The following GRB7 variants were observed in gnomAD, a reference collection of about 807,000 sequenced individuals.
The protein encoded by GRB7 is growth factor receptor-bound protein 7.
A neutral mutation model predicts 64.1 loss-of-function variants in GRB7; 47 were observed. That is an observed-to-expected ratio of 0.73 (90% CI 0.58 to 0.94). GRB7 has a LOEUF of 0.94. Ranked by LOEUF, GRB7 falls within the 40% of genes least tolerant of loss-of-function variation. The pLI, the probability that GRB7 is intolerant of heterozygous loss-of-function variation, is 0.00. For missense variants in GRB7, 634 were observed against 718.4 expected (o/e 0.88, Z 1.34); for synonymous variants, 277 against 279.9 (o/e 0.99, Z 0.10).
rs920842283 is a variant in GRB7 at position 39,742,462 on chromosome 17, A to G, written c.155+6A>G. 3.7e-6 allele frequency: 6 copies of G among 1,613,510 alleles called. No individual in the cohort carries two copies. In the Admixed American group the frequency reaches 5.0e-5, roughly 13 times the overall value. On this transcript the variant is annotated splice_donor_region_variant and intron_variant, in intron 2 of 14. Coordinates refer to ENST00000309156, the MANE Select transcript of GRB7 (RefSeq NM_005310.5). ...CTCATCCCAACCACCGGCAGGTACG[A>G]TGGGGCGTGGGGCTTGGGGGAGGTC...
chr17:39,745,941 C>G lies in GRB7; in HGVS notation c.1299C>G (p.His433Gln). 1 of 1,614,088 alleles carries G rather than the reference C, an allele frequency of 6.2e-7. No homozygotes were observed. Among genetic ancestry groups the G allele is most frequent in the Non-Finnish European group, 8.5e-7 (1 of 1,179,932 alleles). Residue 433 changes from histidine (H) to glutamine (Q), a missense_variant, in exon 13 of 15, where the codon CAC becomes CAG. By Grantham distance (24) the His-to-Gln change is conservative (BLOSUM62 0). Around this residue, in one of 2 missense-constraint regions of GRB7, gnomAD observed 467 missense variants for 576.6 expected, o/e 0.81. Transcript: ENST00000309156. ...TCCACCGCACCCAACTCTGGTTCCA[C>G]GGGCGCATTTCCCGTGAGGAGAGCC... Reference protein sequence around the residue: ...AAIHRTQLWFHGRISREESQR... With the variant: ...AAIHRTQLWFQGRISREESQR...
intron 7 of GRB7, 144 bp downstream of exon 7, chr17:39,744,351 C>T: frequency 9.7e-7 from 1 of 1,026,350 alleles, no homozygotes; most frequent in East Asian, 2.4e-5. Flanking sequence ...TCCCTACATC[C>T]TTGCCTAGCT....
rs2060036411 is a variant in GRB7 at position 39,745,447 on chromosome 17, T to C, written c.1118T>C (p.Val373Ala). 1 of 1,613,904 alleles carries C rather than the reference T, an allele frequency of 6.2e-7. No individual in the cohort carries two copies. Among genetic ancestry groups the C allele is most frequent in the African/African-American group, 1.3e-5 (1 of 74,936 alleles). The change falls in exon 11 of 15, where the codon GTG (valine) becomes GCG (alanine). Residue 373 changes from valine (V) to alanine (A), a missense_variant. Val to Ala is a moderately conservative substitution (Grantham distance 64). This residue lies in a region of GRB7 where 467 missense variants were observed against 576.6 expected (regional missense o/e 0.81). Coordinates refer to ENST00000309156, the MANE Select transcript of GRB7 (RefSeq NM_005310.5). ...PLRSASDNTL[V>A]AMDFSGHAGR... is the part of the protein sequence containing the mutation. ...AGAAGTGCCTCAGATAATACCCTGG[T>C]GGCCATGGACTTCTCTGGCCATGCT...
intron 7 of GRB7, 148 bp downstream of exon 7, chr17:39,744,355 C>A: frequency 1.0e-6 from 1 of 984,584 alleles, no homozygotes; most frequent in Non-Finnish European, 1.5e-6. Flanking sequence ...TACATCCTTG[C>A]CTAGCTCACC....
chr17:39,742,054 C>T (rs1473430335), intron 1 of GRB7, among the ~76,000 whole-genome samples, 198 bp from the exon 2 acceptor site: 1 of 151,594 alleles, frequency 6.6e-6, no homozygotes, highest in South Asian at 2.1e-4. Flanking sequence ...ACTCCCGACT[C>T]ACCTGTGACT....
intron 14 of GRB7, 135 bp from the exon 15 acceptor site, chr17:39,746,616 C>CAAA: frequency 4.1e-6 from 4 of 983,888 alleles, no homozygotes; most frequent in Non-Finnish European, 5.6e-6. Context: ...AAAACTGTCT[C>CAAA]AAAAAAAAAA....
Position 39,742,970 on chromosome 17 carries a change from GT to G in GRB7, c.380del (p.Val127GlyfsTer12). ...GGCAGCAGGTGCCACAGCTCGCCAC[GT>G]GTGTGAAATGCTGGTGCAGCGAGCT... ...EVAAGATARHVCEMLVQRAHA... is the reference protein window; with the variant it reads ...EVAAGATARHXCEMLVQRAHA... On this transcript the variant is annotated frameshift_variant, in exon 4 of 15. Coordinates refer to ENST00000309156, the MANE Select transcript of GRB7 (RefSeq NM_005310.5). LOFTEE classifies it high-confidence loss of function. 6.2e-7 allele frequency: 1 copy of G among 1,613,422 alleles called. No individual in the cohort carries two copies. The highest frequency in any genetic ancestry group is 8.5e-7 in the Non-Finnish European group (1 of 1,179,664).
chr17:39,740,170 G>A (rs962709058), intron 1 of GRB7: 1 of 985,514 alleles, frequency 1.0e-6, no homozygotes, highest in African/African-American at 1.7e-5. Flanking sequence ...TGGAGACCGG[G>A]GCTGTTTGGA....
intron 1 of GRB7, among the ~76,000 whole-genome samples, chr17:39,741,974 C>CA (rs34685689): frequency 0.88 from 95,018 of 107,928 alleles, 42,003 homozygotes; most frequent in Middle Eastern, 0.98. Flanking sequence ...GACGCCGCTG[C>CA]AAAAAAAAAA....
intron 9 of GRB7, 35 bp from the exon 10 acceptor site, chr17:39,745,208 T>A (rs750876278): frequency 1.9e-6 from 3 of 1,544,556 alleles, no homozygotes; most frequent in South Asian, 2.5e-5. Flanking sequence ...CCAGGACCTC[T>A]CGACCTCAAG....
At position 39,745,316 on chromosome 17, in the gene GRB7, C is replaced by T. The variant is rs138488202; in HGVS notation, c.1085C>T (p.Pro362Leu). 7.2e-4 allele frequency: 1,163 copies of T among 1,610,736 alleles called. 7 individuals carry two copies. In the African/African-American group the frequency reaches 0.013, roughly 18 times the overall value. The change falls in exon 10 of 15, where the codon CCA becomes CTA. Residue 362 changes from proline to leucine, a missense_variant. This residue lies in a region of GRB7 where 467 missense variants were observed against 576.6 expected (regional missense o/e 0.81). Transcript: ENST00000309156. Reference protein sequence around the residue: ...RHLHPSCLGSPPLRSASDNTL... With the variant: ...RHLHPSCLGSLPLRSASDNTL... ...CTGCATCCATCTTGTTTGGGCTCCC[C>T]ACCCTTGGTGAGTGTGCCCAAGGGG... is the stretch of plus-strand genomic sequence containing the variant.
In GRB7 at chr17:39,744,125, G is replaced by T. The variant is rs145986585; in HGVS notation, c.719G>T (p.Gly240Val). 2.4e-3 allele frequency: 3,832 copies of T among 1,614,194 alleles called. 12 individuals are homozygous for T. Among genetic ancestry groups the T allele is most frequent in the Middle Eastern group, 7.9e-3 (48 of 6,062 alleles). Residue 240 changes from glycine (G) to valine (V), a missense_variant, in exon 7 of 15, where the codon GGT becomes GTT. By Grantham distance (109) the Gly-to-Val change is moderately radical. This residue lies in a region of GRB7 where 467 missense variants were observed against 576.6 expected (regional missense o/e 0.81). Transcript: ENST00000309156. ...ATCCAGGGCTTTCTGCAGCTGCGGG[G>T]TTCAGGACGGAAGCTTTGGAAACGC... The part of the protein sequence containing the change: ...PEIQGFLQLR[G>V]SGRKLWKRFF...
chr17:39,743,700 C>G, intron 6 of GRB7: 1 of 593,488 alleles, frequency 1.7e-6, no homozygotes, highest in East Asian at 2.8e-5. Context: ...GTGGGCTGGG[C>G]ACGGTGGCTC....
chr17:39,743,504 G>A lies in GRB7; in HGVS notation c.663+34G>A, dbSNP rs1236886172. 68 of 1,549,318 alleles carry A rather than the reference G, an allele frequency of 4.4e-5. 1 individual carries two copies. In the Admixed American group the frequency reaches 1.1e-3, roughly 24 times the overall value. ...ACCCCCCATTTCACTGCAGATTCAC[G>A]ACTCCCCAGCATTGGCCAGTGCTTC... On this transcript the variant is annotated intron_variant, in intron 6 of 14. Coordinates refer to ENST00000309156, the MANE Select transcript of GRB7 (RefSeq NM_005310.5).
intron 1 of GRB7, chr17:39,738,992 T>A: frequency 7.0e-7 from 1 of 1,429,704 alleles, no homozygotes; most frequent in Non-Finnish European, 9.5e-7. Context: ...TATGAGGGGC[T>A]CTGCAGTGCG....
At position 39,744,169 on chromosome 17, in the gene GRB7, C is replaced by T. The variant is rs763520626; in HGVS notation, c.763C>T (p.Arg255Ter). The change falls in exon 7 of 15, where the codon CGA becomes TGA. Residue 255 changes from arginine to a stop codon, truncating the protein, a stop_gained. Coordinates refer to ENST00000309156, the MANE Select transcript of GRB7 (RefSeq NM_005310.5). LOFTEE classifies it high-confidence loss of function. ...GAAACGCTTTTTCTGCTTCTTGCGC[C>T]GATCTGGCCTCTATTACTCCACCAA... ...LWKRFFCFLRRSGLYYSTKGT... is the reference protein window; with the variant it reads ...LWKRFFCFLR 1.1e-5 allele frequency: 17 copies of T among 1,613,930 alleles called. No homozygotes were observed. Among genetic ancestry groups the T allele is most frequent in the East Asian group, 2.2e-5 (1 of 44,888 alleles).
At chr17:39,740,220 T>C (rs2059983608) in intron 1 of GRB7, 1 of 950,310 alleles carries the variant, frequency 1.1e-6, no homozygotes. Context: ...TGTTCTGGTA[T>C]TGAGGTGCTG....
Position 39,742,627 on chromosome 17 carries a change from G to A in GRB7, c.217G>A (p.Glu73Lys). Residue 73 changes from glutamate to lysine, a missense_variant, in exon 3 of 15, where the codon GAG (glutamate) becomes AAG (lysine). Physicochemically the swap from Glu to Lys is moderately conservative, Grantham distance 56. Coordinates refer to ENST00000309156, the MANE Select transcript of GRB7 (RefSeq NM_005310.5). ...CCCCTCTATCCCCAACCCCTTCCCTGAGCTCTGCAGTCCTCCCTCACAGAG... is the reference window on the plus strand; with the variant it reads ...CCCCTCTATCCCCAACCCCTTCCCTAAGCTCTGCAGTCCTCCCTCACAGAG... ...SLPSIPNPFP[E>K]LCSPPSQSPI... 6.2e-7 allele frequency: 1 copy of A among 1,613,084 alleles called. No homozygotes were observed.
Position 39,742,663 on chromosome 17 carries a change from G to A in GRB7, c.253G>A (p.Gly85Arg), listed in dbSNP as rs61739351. 1,994 of 1,604,560 alleles carry A rather than the reference G, an allele frequency of 1.2e-3. 51 individuals carry two copies. The Admixed American group carries it at 0.032, about 26-fold the overall frequency. The change falls in exon 3 of 15, where the codon GGG (glycine) becomes AGG (arginine). Residue 85 changes from glycine to arginine, a missense_variant. Physicochemically the swap from Gly to Arg is moderately radical, Grantham distance 125. Around this residue, in one of 2 missense-constraint regions of GRB7, gnomAD observed 167 missense variants for 141.9 expected, o/e 1.18. Transcript: ENST00000309156. ...CSPPSQSPIL[G>R]GPSSARGLLP... ...TCCTCCCTCACAGAGCCCAATTCTC[G>A]GGGGCCCCTCCAGTGCAAGGGGGCT...
Sources: gnomAD v4.1 joint callset for allele counts (sites outside exome capture counted in the v4.1 genomes callset) on GRCh38, gnomAD v4.1.1 for gene constraint, gnomAD v4.1.1 regional missense constraint, MANE v1.5 for transcripts, NCBI Gene and HGNC (gene_info 2026-07-23, HGNC 2026-07-21) for gene names.